FBXL18: variants seen among roughly 807,000 people sequenced by gnomAD.
FBXL18 encodes F-box and leucine rich repeat protein 18.
Under a neutral mutation model 46.0 loss-of-function variants are expected in FBXL18, and 36 were observed. The observed-to-expected ratio is 0.78, with a 90% confidence interval of 0.60 to 1.03. The LOEUF (loss-of-function observed/expected upper bound fraction) is 1.03. Ranked by LOEUF, FBXL18 falls within the 50% of genes least tolerant of loss-of-function variation. FBXL18 has a pLI of 0.00. For synonymous variants in FBXL18, 557 were observed against 465.3 expected (o/e 1.20, Z -2.54); for missense variants, 977 against 1,004.1 (o/e 0.97, Z 0.36).
At chr7:5,507,707 G>A (rs541938939) in intron 1 of FBXL18, among the ~76,000 whole-genome samples, 94 of 151,066 alleles carry the variant, frequency 6.2e-4, no homozygotes, top group African/African-American at 2.3e-3. Flanking sequence ...GGTGGCAGGC[G>A]CTTGTAGTCC....
intron 1 of FBXL18, among the ~76,000 whole-genome samples, chr7:5,507,453 C>T (rs73673169): frequency 0.022 from 3,330 of 152,150 alleles, 137 homozygotes; most frequent in African/African-American, 0.076. Context: ...ACACGGAAAC[C>T]AAAGGACATG....
At chr7:5,473,505 TA>T (rs1406063602), downstream of FBXL18, among the ~76,000 whole-genome samples, 5 of 152,136 alleles carry the variant, frequency 3.3e-5, no homozygotes, top group Admixed American at 2.0e-4. Context: ...TTCATGCCTG[TA>T]ATCCCAACAC....
At chr7:5,492,345 C>A (rs958546731) in intron 3 of FBXL18, among the ~76,000 whole-genome samples, 1 of 151,552 alleles carries the variant, frequency 6.6e-6, no homozygotes, top group Non-Finnish European at 1.5e-5. Flanking sequence ...GGCTGTGGGA[C>A]TGGGCAAGAC....
rs1177515558 is a variant in FBXL18 at position 5,501,328 on chromosome 7, T to C, written c.941A>G (p.Asn314Ser). ...GSSLLQHMKF[N>S]NPFYFSFSRC... ...GCTGAAACTGAAGTAGAACGGGTTG[T>C]TGAATTTCATGTGCTGCAGGAGGGA... Residue 314 changes from asparagine (N) to serine (S), a missense_variant, in exon 3 of 5, where the codon AAC becomes AGC. By Grantham distance (46) the Asn-to-Ser change is conservative. Transcript: ENST00000382368. The C allele has an allele frequency of 2.5e-6, 4 of 1,614,146 alleles. No individual in the cohort carries two copies. The highest frequency in any genetic ancestry group is 8.5e-7 in the Non-Finnish European group (1 of 1,180,022).
In FBXL18 at chr7:5,478,663, C is replaced by A; in HGVS notation, c.*3112G>T. 6.6e-6 allele frequency: 1 copy of A among 152,606 alleles called. No individual in the cohort carries two copies. Among genetic ancestry groups the A allele is most frequent in the Non-Finnish European group, 1.5e-5 (1 of 68,188 alleles). The allele number at this position is 152,606 out of a possible 1,614,324, so 9.5% of individuals were successfully genotyped here. A position where few individuals can be genotyped will look rare whatever the true frequency, so the allele number is the denominator to read the frequency against. On this transcript the variant is annotated 3_prime_UTR_variant, in exon 5 of 5. Coordinates refer to ENST00000382368, the MANE Select transcript of FBXL18 (RefSeq NM_024963.6). ...CCCTCCCTCCAACCCCACAGTCTCTCCCTCACATACACACACGGAAGACGT... is the reference window on the plus strand; with the variant it reads ...CCCTCCCTCCAACCCCACAGTCTCTACCTCACATACACACACGGAAGACGT...
chr7:5,483,960 A>G (rs755780989), intron 4 of FBXL18, among the ~76,000 whole-genome samples: 3 of 152,304 alleles, frequency 2.0e-5, no homozygotes, highest in Admixed American at 2.0e-4. Flanking sequence ...CACAGAGTCA[A>G]TAGCAGAAAG....
chr7:5,467,806 G>C (rs536667575), intron 4 of FBXL18, among the ~76,000 whole-genome samples: 14 of 152,230 alleles, frequency 9.2e-5, no homozygotes, highest in African/African-American at 3.4e-4. Context: ...AGCCTAAGGA[G>C]ATGGGAGCTG....
At chr7:5,459,373 C>T (rs1034115110) in intron 4 of FBXL18, among the ~76,000 whole-genome samples, 2 of 152,096 alleles carry the variant, frequency 1.3e-5, no homozygotes, top group Admixed American at 6.5e-5. Flanking sequence ...GAGGCCAAGG[C>T]GGGTGGATCA....
chr7:5,470,369 G>A (rs969536608), intron 4 of FBXL18, among the ~76,000 whole-genome samples: 5 of 151,932 alleles, frequency 3.3e-5, no homozygotes, highest in East Asian at 1.9e-4. Flanking sequence ...CCCCCAAGGC[G>A]GGTACCCAGC....
chr7:5,467,901 A>G (rs1401783156), intron 4 of FBXL18, among the ~76,000 whole-genome samples: 1 of 152,150 alleles, frequency 6.6e-6, no homozygotes, highest in Admixed American at 6.6e-5. Context: ...CTGTCATTAA[A>G]ATGATGGAGG....
intron 4 of FBXL18, among the ~76,000 whole-genome samples, chr7:5,463,746 T>TATTTTA (rs1783299662): frequency 1.2e-5 from 1 of 86,922 alleles, no homozygotes; most frequent in Non-Finnish European, 2.2e-5. Flanking sequence ...TTTTTTTTTT[T>TATTTTA]TTTTTTTTTT....
chr7:5,475,237 G>A (rs184142925), downstream of FBXL18, among the ~76,000 whole-genome samples: 3,436 of 151,984 alleles, frequency 0.023, 38 homozygotes, highest in Non-Finnish European at 0.034. This position sits in a 1 kb window ranked among gnomAD's most constrained non-coding sequence, Gnocchi z 4.2. Context: ...CAGGAGAATC[G>A]CTTGAACCCA....
chr7:5,462,966 AAAAATAT>A (rs1295747920), intron 4 of FBXL18, among the ~76,000 whole-genome samples: 70 of 22,702 alleles, frequency 3.1e-3, no homozygotes, highest in South Asian at 0.017. Context: ...AAAAAAAAAA[AAAAATAT>A]ATATATATAT....
intron 4 of FBXL18, among the ~76,000 whole-genome samples, chr7:5,463,702 A>ATATATATTTATT (rs1479898344): frequency 7.2e-5 from 5 of 69,030 alleles, no homozygotes; most frequent in African/African-American, 3.6e-4. Context: ...AACTATATAT[A>ATATATATTTATT]TATTTATTTA....
At position 5,501,027 on chromosome 7, in the gene FBXL18, G is replaced by A. The variant is rs777654231; in HGVS notation, c.1242C>T (p.His414=). 1 of 1,603,298 alleles carries A rather than the reference G, an allele frequency of 6.2e-7. No individual in the cohort carries two copies. The highest frequency in any genetic ancestry group is 1.7e-4 in the Middle Eastern group (1 of 6,022). The change falls in exon 3 of 5, where the codon CAC becomes CAT. Residue 414 remains histidine, a synonymous_variant. Coordinates refer to ENST00000382368, the MANE Select transcript of FBXL18 (RefSeq NM_024963.6). ...HLCQLLARLR[H]LRSLSLPVCS... Reference sequence around the variant, plus strand: ...AGACAGGCAGGGAGAGGGAGCGCAGGTGACGCAGCCGGGCCAGGAGCTGGC... The same window carrying A: ...AGACAGGCAGGGAGAGGGAGCGCAGATGACGCAGCCGGGCCAGGAGCTGGC...
At chr7:5,471,137 G>A (rs138463754), downstream of FBXL18, among the ~76,000 whole-genome samples, 3,211 of 152,276 alleles carry the variant, frequency 0.021, 117 homozygotes, top group African/African-American at 0.073. Flanking sequence ...CTAGGATTCC[G>A]TCACGCCATC....
chr7:5,484,067 A>G (rs1407726720), intron 4 of FBXL18, among the ~76,000 whole-genome samples: 1 of 152,146 alleles, frequency 6.6e-6, no homozygotes, highest in East Asian at 1.9e-4. Context: ...GACCGTGAAC[A>G]CCACGGGTCA....
downstream of FBXL18, among the ~76,000 whole-genome samples, chr7:5,471,169 C>T (rs765250437): frequency 6.6e-6 from 1 of 152,208 alleles, no homozygotes; most frequent in South Asian, 2.1e-4. Context: ...GCAAGTTCAA[C>T]GCCCGCAATA....
downstream of FBXL18, among the ~76,000 whole-genome samples, chr7:5,472,560 TGGAGAG>T (rs1783444310): frequency 1.3e-4 from 7 of 52,978 alleles, no homozygotes; most frequent in African/African-American, 3.8e-4. Context: ...AGGGGCCACA[TGGAGAG>T]GCCACGTGAC....
Sources: allele counts gnomAD v4.1 joint callset (sites outside exome capture counted in the v4.1 genomes callset), GRCh38; gene constraint gnomAD v4.1.1; non-coding constraint Gnocchi (gnomAD v3.1); transcripts MANE v1.5; gene names NCBI Gene and HGNC (gene_info 2026-07-23, HGNC 2026-07-21).